SMAP1: variants seen among roughly 807,000 people sequenced by gnomAD.
SMAP1 encodes stromal membrane-associated protein 1.
Under a neutral mutation model 58.5 loss-of-function variants are expected in SMAP1, and 24 were observed. That is an observed-to-expected ratio of 0.41 (90% confidence interval 0.30 to 0.58). SMAP1 has a LOEUF of 0.58. SMAP1 is among the 20% of genes least tolerant of loss of function. SMAP1 has a pLI of 0.29. For synonymous variants in SMAP1, 216 were observed against 196.6 expected, an observed-to-expected ratio of 1.10 and a Z score of -0.82; for missense variants, 563 against 566.3, an observed-to-expected ratio of 0.99 and a Z score of 0.06.
chr6:70,754,945 T>TTA, intron 2 of SMAP1, 35 bp from the exon 3 acceptor site: 1 of 1,376,556 alleles, frequency 7.3e-7, no homozygotes, highest in Non-Finnish European at 1.0e-6. Context: ...TTTTTAATGT[T>TTA]TATGTGAGTA....
At chr6:70,671,325 C>A (rs1056276685) in intron 1 of SMAP1, among the ~76,000 whole-genome samples, 1 of 152,042 alleles carries the variant, frequency 6.6e-6, no homozygotes, top group Non-Finnish European at 1.5e-5. Context: ...TGACATGTCC[C>A]ATGCTTGTTA....
At chr6:70,811,088 T>A (rs1207333137) in intron 6 of SMAP1, among the ~76,000 whole-genome samples, 1 of 152,144 alleles carries the variant, frequency 6.6e-6, no homozygotes, top group Non-Finnish European at 1.5e-5. Context: ...TTGAAAAATA[T>A]TAACAAACTA....
intron 1 of SMAP1, among the ~76,000 whole-genome samples, chr6:70,704,533 T>C (rs901431935): frequency 6.6e-6 from 1 of 152,224 alleles, no homozygotes; most frequent in Non-Finnish European, 1.5e-5. Context: ...CTCCTTCCAT[T>C]TCATAGAATG....
chr6:70,798,926 A>G (rs1768727518), intron 6 of SMAP1, among the ~76,000 whole-genome samples, 189 bp downstream of exon 6: 1 of 152,044 alleles, frequency 6.6e-6, no homozygotes, highest in Admixed American at 6.6e-5. Context: ...TCAGTTATCT[A>G]TATGTGTGGG....
chr6:70,762,777 T>C (rs1248790700), intron 3 of SMAP1, among the ~76,000 whole-genome samples: 1 of 152,178 alleles, frequency 6.6e-6, no homozygotes, highest in African/African-American at 2.4e-5. Flanking sequence ...TGGCTTCTTA[T>C]AATTTTTAAA....
intron 2 of SMAP1, among the ~76,000 whole-genome samples, chr6:70,738,468 A>C (rs551630507): frequency 6.6e-6 from 1 of 152,126 alleles, no homozygotes; most frequent in South Asian, 2.1e-4. Context: ...AAAAAAAAAA[A>C]AAAACCAGTG....
chr6:70,861,580 G>C lies in SMAP1; in HGVS notation c.*1246G>C. 7.9e-7 allele frequency: 1 copy of C among 1,263,378 alleles called. No individual in the cohort carries two copies. Among genetic ancestry groups the C allele is most frequent in the Non-Finnish European group, 1.1e-6 (1 of 882,586 alleles). The allele number at this position is 1,263,378 out of a possible 1,614,324, so 78.3% of individuals were successfully genotyped here. On this transcript the variant is annotated 3_prime_UTR_variant, in exon 11 of 11. Coordinates refer to ENST00000370455, the MANE Select transcript of SMAP1 (RefSeq NM_001044305.3). ...TACTGAAGTAAAACAAACAATACCTGAATGCTCTGTAGCCTAAACTCCAAA... is the reference window on the plus strand; with the variant it reads ...TACTGAAGTAAAACAAACAATACCTCAATGCTCTGTAGCCTAAACTCCAAA...
chr6:70,702,513 C>G (rs565952836), intron 1 of SMAP1, among the ~76,000 whole-genome samples: 20 of 152,000 alleles, frequency 1.3e-4, no homozygotes, highest in Non-Finnish European at 1.9e-4. Flanking sequence ...TAGTTCTTAT[C>G]CCAGTCATTA....
At chr6:70,771,171 C>T (rs1017956448) in intron 3 of SMAP1, among the ~76,000 whole-genome samples, 37 of 152,302 alleles carry the variant, frequency 2.4e-4, no homozygotes, top group Non-Finnish European at 4.9e-4. Context: ...TGGGGGGTGC[C>T]TCCCAGTTAG....
intron 3 of SMAP1, among the ~76,000 whole-genome samples, chr6:70,756,933 G>T (rs1255140424): frequency 6.6e-6 from 1 of 152,088 alleles, no homozygotes. Context: ...CGTGAAAATG[G>T]CCATACTGCC....
At position 70,691,751 on chromosome 6, in the gene SMAP1, C is replaced by T. The variant is rs146080862; in HGVS notation, c.118+23610C>T. Among the ~76,000 whole-genome samples, 1,513 of 152,276 alleles carry T rather than the reference C, an allele frequency of 9.9e-3. 29 individuals carry two copies. The highest frequency in any genetic ancestry group is 0.034 in the African/African-American group (1,409 of 41,548). On this transcript the variant is annotated intron_variant, in intron 1 of 10. Coordinates refer to ENST00000370455, the MANE Select transcript of SMAP1 (RefSeq NM_001044305.3). Reference sequence around the variant, plus strand: ...CCTGACATTTCACTTAACATAATATCCTCTAGTTCCATCCATGTTGTTGCA... The same window carrying T: ...CCTGACATTTCACTTAACATAATATTCTCTAGTTCCATCCATGTTGTTGCA...
At chr6:70,854,349 T>C (rs1582313742) in intron 8 of SMAP1, among the ~76,000 whole-genome samples, 1 of 152,154 alleles carries the variant, frequency 6.6e-6, no homozygotes. Context: ...TGGCCAGGTA[T>C]GGTGGTTCAT....
At chr6:70,706,722 T>G (rs568261049) in intron 1 of SMAP1, among the ~76,000 whole-genome samples, 1 of 152,222 alleles carries the variant, frequency 6.6e-6, no homozygotes, top group African/African-American at 2.4e-5. Context: ...CAGATGGCGC[T>G]CTCTATTAAT....
At chr6:70,712,563 G>A (rs181911513) in intron 1 of SMAP1, among the ~76,000 whole-genome samples, 149 of 152,120 alleles carry the variant, frequency 9.8e-4, no homozygotes, top group African/African-American at 3.3e-3. Flanking sequence ...AAGCCATCTG[G>A]TCCTGGATTT....
chr6:70,835,606 A>G lies in SMAP1; in HGVS notation c.577-1335A>G, dbSNP rs568798669. Reference sequence around the variant, plus strand: ...ACTGCAGCCTTGACCTCCTGGGCTCAACCAATCCTCCAGCCTCAGCCTCCC... The same window carrying G: ...ACTGCAGCCTTGACCTCCTGGGCTCGACCAATCCTCCAGCCTCAGCCTCCC... On this transcript the variant is annotated intron_variant, in intron 6 of 10. Coordinates refer to ENST00000370455, the MANE Select transcript of SMAP1 (RefSeq NM_001044305.3). 1.4e-4 allele frequency among the ~76,000 whole-genome samples: 21 copies of G among 152,294 alleles called. No homozygotes were observed. The South Asian group carries it at 4.1e-3, about 30-fold the overall frequency.
intron 6 of SMAP1, among the ~76,000 whole-genome samples, chr6:70,815,746 C>T (rs1011229507): frequency 6.6e-6 from 1 of 152,100 alleles, no homozygotes; most frequent in Admixed American, 6.6e-5. Flanking sequence ...AATCCCCATA[C>T]ACTCAAGGTG....
chr6:70,805,437 G>A (rs1236608709), intron 6 of SMAP1, among the ~76,000 whole-genome samples: 2 of 152,090 alleles, frequency 1.3e-5, no homozygotes, highest in African/African-American at 4.8e-5. Context: ...TCCTTGCGAT[G>A]GGTTAGAACA....
intron 1 of SMAP1, among the ~76,000 whole-genome samples, chr6:70,711,024 T>TATA (rs776244885): frequency 6.6e-5 from 10 of 152,172 alleles, no homozygotes; most frequent in Non-Finnish European, 1.2e-4. Context: ...TGTCATTTCC[T>TATA]ATAATAATAA....
At chr6:70,761,333 A>G (rs1766737598) in intron 3 of SMAP1, among the ~76,000 whole-genome samples, 1 of 152,026 alleles carries the variant, frequency 6.6e-6, no homozygotes, top group African/African-American at 2.4e-5. Context: ...TTTACTAAGT[A>G]ATTCCCAAAT....
Sources: gnomAD v4.1 joint callset for allele counts (sites outside exome capture counted in the v4.1 genomes callset) on GRCh38, gnomAD v4.1.1 for gene constraint, MANE v1.5 for transcripts, NCBI Gene and HGNC (gene_info 2026-07-23, HGNC 2026-07-21) for gene names.